Variants in TTC6 observed in about 807,000 individuals in gnomAD.
TTC6 encodes the protein tetratricopeptide repeat domain 6, also known as tetratricopeptide repeat protein 6.
In TTC6, 172 loss-of-function variants were observed where a neutral mutation model predicts 210.4. That is an observed-to-expected ratio of 0.82 (90% CI 0.72 to 0.93). TTC6 has a LOEUF of 0.93. Among genes scored for constraint, TTC6 ranks in the 40% least tolerant of loss-of-function variants. The pLI, the probability that TTC6 is intolerant of heterozygous loss-of-function variation, is 0.00. For missense variants in TTC6, 2,414 were observed against 2,318.1 expected (o/e 1.04, Z -0.85); for synonymous variants, 804 against 819.6 (o/e 0.98, Z 0.32).
At chr14:37,740,483 T>TA (rs5807968) in intron 10 of TTC6, among the ~76,000 whole-genome samples, 95,640 of 151,876 alleles carry the variant, frequency 0.63, 31,305 homozygotes, top group East Asian at 0.89. Flanking sequence ...GGTAAGAGAA[T>TA]AAAAAAAATT....
At chr14:37,675,583 C>T (rs1459495817) in intron 1 of TTC6, among the ~76,000 whole-genome samples, 1 of 151,960 alleles carries the variant, frequency 6.6e-6, no homozygotes, top group African/African-American at 2.4e-5. Context: ...TTTTTGGGGG[C>T]ATATTCCTAA....
intron 22 of TTC6, among the ~76,000 whole-genome samples, chr14:37,806,732 A>G (rs548351965): frequency 6.6e-6 from 1 of 152,316 alleles, no homozygotes; most frequent in South Asian, 2.1e-4. Context: ...TGTGAATGTG[A>G]TATATGTAAA....
At chr14:37,628,697 A>G (rs1335199699) in intron 1 of TTC6, among the ~76,000 whole-genome samples, 1 of 152,164 alleles carries the variant, frequency 6.6e-6, no homozygotes, top group Non-Finnish European at 1.5e-5. Flanking sequence ...TATGTCCTGA[A>G]TGGTATTGCC....
At chr14:37,827,738 CAT>C (rs1335950238) in intron 29 of TTC6, 1 of 158,104 alleles carries the variant, frequency 6.3e-6, no homozygotes, top group Non-Finnish European at 1.4e-5. Context: ...AGGTAATAAA[CAT>C]ATCTATCAGC....
chr14:37,823,564 C>G (rs930305219), intron 26 of TTC6, among the ~76,000 whole-genome samples, 183 bp from the exon 29 acceptor site: 1 of 152,140 alleles, frequency 6.6e-6, no homozygotes, highest in Non-Finnish European at 1.5e-5. Flanking sequence ...TTCGAAGGAC[C>G]TGTCACACTT....
chr14:37,681,929 A>C (rs1271145407), intron 2 of TTC6, among the ~76,000 whole-genome samples: 1 of 151,934 alleles, frequency 6.6e-6, no homozygotes, highest in Non-Finnish European at 1.5e-5. Flanking sequence ...AATGTCCCCC[A>C]CCCTTTTGCA....
chr14:37,819,398 T>G lies in TTC6; in HGVS notation c.4763+1747T>G, dbSNP rs569442114. Among the ~76,000 whole-genome samples the G allele has an allele frequency of 6.6e-5, 10 of 152,288 alleles. No homozygotes were observed. In the South Asian group the frequency reaches 2.1e-3, roughly 32 times the overall value. ...TTCTCATTAGGAAAAATTCTTTAAATAAATAAATTTTTAAATTTTAAGGCT... is the reference window on the plus strand; with the variant it reads ...TTCTCATTAGGAAAAATTCTTTAAAGAAATAAATTTTTAAATTTTAAGGCT... On this transcript the variant is annotated intron_variant, in intron 26 of 30. Transcript: ENST00000553443.
intron 25 of TTC6, among the ~76,000 whole-genome samples, chr14:37,816,785 G>A (rs2096143025): frequency 1.3e-5 from 2 of 152,044 alleles, no homozygotes; most frequent in African/African-American, 2.4e-5. Flanking sequence ...TTTAAATGTA[G>A]CGATGTTCTT....
At chr14:37,655,565 A>G (rs907712808) in intron 1 of TTC6, among the ~76,000 whole-genome samples, 3 of 152,160 alleles carry the variant, frequency 2.0e-5, no homozygotes, top group African/African-American at 4.8e-5. Context: ...CATGTCTATG[A>G]TAAAGGTATG....
intron 29 of TTC6, among the ~76,000 whole-genome samples, chr14:37,840,429 C>T (rs2096207335): frequency 6.6e-6 from 1 of 152,158 alleles, no homozygotes; most frequent in African/African-American, 2.4e-5. Context: ...GAGCTGGTAC[C>T]ATTCCTTCTG....
intron 17 of TTC6, among the ~76,000 whole-genome samples, chr14:37,792,776 TTGTGTGTGTGTGTG>T (rs34766491): frequency 6.4e-5 from 9 of 140,040 alleles, no homozygotes; most frequent in East Asian, 4.1e-4. Flanking sequence ...TGGTCCAATG[TTGTGTGTGTGTGTG>T]TGTGTGTGTG....
At chr14:37,785,687 A>C (rs2096065888) in intron 14 of TTC6, among the ~76,000 whole-genome samples, 1 of 152,136 alleles carries the variant, frequency 6.6e-6, no homozygotes, top group Non-Finnish European at 1.5e-5. Flanking sequence ...GTTCCTTTGG[A>C]GGAGAAGAGG....
chr14:37,721,589 T>C (rs1429888903), intron 6 of TTC6, among the ~76,000 whole-genome samples: 1 of 151,982 alleles, frequency 6.6e-6, no homozygotes, highest in Non-Finnish European at 1.5e-5. Flanking sequence ...TCAATAAACA[T>C]GGTTTGATGT....
intron 1 of TTC6, among the ~76,000 whole-genome samples, chr14:37,632,194 C>T (rs185741602): frequency 2.6e-5 from 4 of 152,254 alleles, no homozygotes; most frequent in South Asian, 2.1e-4. Context: ...GGACAAGAGG[C>T]GTTCTGGTTT....
Position 37,680,142 on chromosome 14 carries a change from T to C in TTC6, c.940-9T>C. On this transcript the variant is annotated splice_polypyrimidine_tract_variant and intron_variant, in intron 1 of 30. Coordinates refer to ENST00000553443, the Ensembl canonical transcript of TTC6. ...ATTGGCATCACTTTGTTTCCTTTTCTCATTCAAGGATATTTCTTTAATGGG... is the reference window on the plus strand; with the variant it reads ...ATTGGCATCACTTTGTTTCCTTTTCCCATTCAAGGATATTTCTTTAATGGG... The C allele has an allele frequency of 6.8e-7, 1 of 1,480,640 alleles. No individual in the cohort carries two copies. The highest frequency in any genetic ancestry group is 9.0e-7 in the Non-Finnish European group (1 of 1,107,496). The allele number at this position is 1,480,640 out of a possible 1,614,324, so 91.7% of individuals were successfully genotyped here. A position where few individuals can be genotyped will look rare whatever the true frequency, so the allele number is the denominator to read the frequency against.
intron 20 of TTC6, among the ~76,000 whole-genome samples, chr14:37,799,127 T>C (rs1273914585): frequency 6.6e-6 from 1 of 152,162 alleles, no homozygotes; most frequent in Non-Finnish European, 1.5e-5. Context: ...GGATGTCTTC[T>C]TTGAAAGATT....
intron 6 of TTC6, among the ~76,000 whole-genome samples, chr14:37,716,561 G>A (rs1379362886): frequency 6.6e-6 from 1 of 152,036 alleles, no homozygotes; most frequent in East Asian, 1.9e-4. Flanking sequence ...AGACTTCCAA[G>A]CAAAGAAAGT....
intron 29 of TTC6, among the ~76,000 whole-genome samples, chr14:37,836,241 T>A (rs2139039639): frequency 6.6e-6 from 1 of 152,304 alleles, no homozygotes; most frequent in South Asian, 2.1e-4. Context: ...TGTCATCTAA[T>A]CCTGTCAGTT....
chr14:37,782,473 AT>A (rs2139268032), intron 14 of TTC6, among the ~76,000 whole-genome samples: 1 of 152,208 alleles, frequency 6.6e-6, no homozygotes, highest in Admixed American at 6.5e-5. Context: ...TTGCACATTG[AT>A]TTTGTATCCT....
Sources: gnomAD v4.1 joint callset for allele counts (sites outside exome capture counted in the v4.1 genomes callset) on GRCh38, gnomAD v4.1.1 for gene constraint, MANE v1.5 for transcripts, NCBI Gene and HGNC (gene_info 2026-07-23, HGNC 2026-07-21) for gene names.